ERICH1: variants seen among roughly 807,000 people sequenced by gnomAD.
ERICH1 encodes the protein glutamate rich 1, also known as glutamate-rich protein 1.
ERICH1 carries 56 observed loss-of-function variants against 39.6 expected under a neutral mutation model. The observed-to-expected ratio is 1.41, with a 90% CI of 1.14 to 1.77. The LOEUF is 1.77. ERICH1 is among the 40% of genes most tolerant of loss of function. The pLI is 0.00. For synonymous variants in ERICH1, 313 were observed against 223.6 expected (o/e 1.40, Z -3.57); for missense variants, 826 against 575.4 (o/e 1.44, Z -4.45).
At position 615,277 on chromosome 8, in the gene ERICH1, T is replaced by A. The variant is rs1796851778; in HGVS notation, c.984A>T (p.Leu328=). ...TTATTTTCTTGGCTTTAAGTCTGCT[T>A]AGGACTCCTGGAAAATCAGGTTAAG... Residue 328 remains leucine, a synonymous_variant, in exon 4 of 4, where the codon CTA becomes CTT. Coordinates refer to the ERICH1 transcript ENST00000522706. 1.4e-5 allele frequency: 10 copies of A among 694,802 alleles called. No individual in the cohort carries two copies. In the Admixed American group the frequency reaches 2.1e-4, roughly 15 times the overall value. 43.0% of individuals were successfully genotyped at this position (694,802 alleles called of 1,614,324 possible). A position where few individuals can be genotyped will look rare whatever the true frequency, so the allele number is the denominator to read the frequency against.
At chr8:620,031 G>A (rs1392144456) in intron 3 of ERICH1, among the ~76,000 whole-genome samples, 1 of 152,146 alleles carries the variant, frequency 6.6e-6, no homozygotes, top group Non-Finnish European at 1.5e-5. Flanking sequence ...AACAAAAAGT[G>A]GGCCAGGCGT....
intron 3 of ERICH1, among the ~76,000 whole-genome samples, chr8:631,492 C>T (rs528917130): frequency 2.0e-4 from 31 of 152,264 alleles, no homozygotes; most frequent in African/African-American, 7.5e-4. Flanking sequence ...CCTTAACAGT[C>T]CGATGTCTGC....
At chr8:682,388 G>C (rs549190131) in intron 3 of ERICH1, among the ~76,000 whole-genome samples, 3 of 152,362 alleles carry the variant, frequency 2.0e-5, no homozygotes, top group East Asian at 1.9e-4. Context: ...GAGGCCCTGA[G>C]CATGTGCTCT....
At chr8:677,143 G>C (rs1265986488) in intron 3 of ERICH1, among the ~76,000 whole-genome samples, 3 of 152,218 alleles carry the variant, frequency 2.0e-5, no homozygotes, top group East Asian at 1.9e-4. Flanking sequence ...GCCAGCTGCG[G>C]ACACCGCAAG....
At chr8:670,483 G>C (rs953668770) in intron 4 of ERICH1, among the ~76,000 whole-genome samples, 1 of 152,176 alleles carries the variant, frequency 6.6e-6, no homozygotes, top group Middle Eastern at 3.2e-3. Context: ...AGACCGAGTA[G>C]AGGGGGATCC....
intron 2 of ERICH1, among the ~76,000 whole-genome samples, chr8:707,398 G>A (rs1813557384): frequency 6.6e-6 from 1 of 151,992 alleles, no homozygotes; most frequent in Non-Finnish European, 1.5e-5. Context: ...AGTAGAGATG[G>A]GGTTTCACCA....
chr8:716,649 A>G (rs1299286638), intron 1 of ERICH1, among the ~76,000 whole-genome samples: 1 of 152,234 alleles, frequency 6.6e-6, no homozygotes, highest in East Asian at 1.9e-4. Context: ...GTCATAATGA[A>G]TAAATATTTC....
In ERICH1 at chr8:716,075, C is replaced by T. The variant is rs114049258; in HGVS notation, c.23-68G>A. On this transcript the variant is annotated intron_variant, in intron 1 of 5. Transcript: ENST00000262109. ...AATTATGCAGTTTATCTGAATCACACGTGACTTTTACTCTACACAAACACA... is the reference window on the plus strand; with the variant it reads ...AATTATGCAGTTTATCTGAATCACATGTGACTTTTACTCTACACAAACACA... 7.9e-4 allele frequency: 1,201 copies of T among 1,518,762 alleles called. 8 individuals carry two copies. The African/African-American group carries it at 0.014, about 18-fold the overall frequency. 94.1% of individuals were successfully genotyped at this position (1,518,762 alleles called of 1,614,324 possible).
At chr8:701,926 C>T (rs1190660439) in intron 2 of ERICH1, among the ~76,000 whole-genome samples, 1 of 151,920 alleles carries the variant, frequency 6.6e-6, no homozygotes, top group Non-Finnish European at 1.5e-5. Context: ...CTCGTCTCTA[C>T]TAAAAATACA....
At chr8:623,956 G>C (rs886289372) in intron 3 of ERICH1, among the ~76,000 whole-genome samples, 1 of 151,956 alleles carries the variant, frequency 6.6e-6, no homozygotes, top group African/African-American at 2.4e-5. Flanking sequence ...TAATAAAGAA[G>C]ACAACATACA....
intron 2 of ERICH1, among the ~76,000 whole-genome samples, chr8:710,158 C>T (rs762593578): frequency 1.1e-4 from 17 of 152,176 alleles, no homozygotes; most frequent in Admixed American, 6.5e-5. Flanking sequence ...GTTTACATTG[C>T]GGTTCACTCT....
intron 3 of ERICH1, among the ~76,000 whole-genome samples, chr8:628,311 C>T (rs1033108894): frequency 1.1e-4 from 16 of 152,246 alleles, no homozygotes; most frequent in Non-Finnish European, 2.2e-4. Flanking sequence ...ACCTGCATCC[C>T]AACTGTCTGC....
At chr8:643,252 TG>T (rs1799223344) in intron 3 of ERICH1, among the ~76,000 whole-genome samples, 1 of 152,098 alleles carries the variant, frequency 6.6e-6, no homozygotes, top group South Asian at 2.1e-4. Context: ...GACCTAGTAA[TG>T]GGGTCGCAGC....
In ERICH1 at chr8:674,071, C is replaced by A. The variant is rs1804098641; in HGVS notation, c.305-24G>T. The A allele has an allele frequency of 5.3e-6, 8 of 1,514,234 alleles. No homozygotes were observed. In the East Asian group the frequency reaches 1.8e-4, roughly 35 times the overall value. 93.8% of individuals were successfully genotyped at this position (1,514,234 alleles called of 1,614,324 possible). A position where few individuals can be genotyped will look rare whatever the true frequency, so the allele number is the denominator to read the frequency against. ...ATCTGTTAAAAAAATTCAAATATAA[C>A]AATTTTCAGTACAATGAAACCATAA... On this transcript the variant is annotated intron_variant, in intron 3 of 5. Coordinates refer to ENST00000262109, the MANE Select transcript of ERICH1 (RefSeq NM_207332.3).
downstream of ERICH1, among the ~76,000 whole-genome samples, chr8:660,319 G>C (rs748890217): frequency 1.3e-5 from 2 of 152,244 alleles, no homozygotes; most frequent in Non-Finnish European, 2.9e-5. Context: ...AGATTACCTG[G>C]GCAGGCCTGA....
At chr8:698,128 C>A (rs1183573748) in intron 2 of ERICH1, among the ~76,000 whole-genome samples, 1 of 152,110 alleles carries the variant, frequency 6.6e-6, no homozygotes, top group Non-Finnish European at 1.5e-5. Context: ...GGATCTGAGT[C>A]AATTTAACAT....
chr8:620,186 C>G (rs1430573719), intron 3 of ERICH1, among the ~76,000 whole-genome samples: 1 of 152,060 alleles, frequency 6.6e-6, no homozygotes, highest in Non-Finnish European at 1.5e-5. Flanking sequence ...GTGGCGCACA[C>G]CTGTAATCCC....
intron 3 of ERICH1, chr8:615,589 T>G: frequency 3.3e-6 from 1 of 301,110 alleles, no homozygotes; most frequent in Non-Finnish European, 6.1e-6. Context: ...TGGCAAATGC[T>G]ATGAACTATC....
intron 3 of ERICH1, among the ~76,000 whole-genome samples, chr8:689,276 T>A (rs1808373500): frequency 6.6e-6 from 1 of 152,206 alleles, no homozygotes; most frequent in Non-Finnish European, 1.5e-5. Context: ...CACACCTGGC[T>A]AATTTTTATA....
Sources: gnomAD v4.1 joint callset for allele counts (sites outside exome capture counted in the v4.1 genomes callset) on GRCh38, gnomAD v4.1.1 for gene constraint, MANE v1.5 for transcripts, NCBI Gene and HGNC (gene_info 2026-07-23, HGNC 2026-07-21) for gene names.